Variants in BFSP1 observed in about 807,000 individuals in gnomAD.
BFSP1 encodes beaded filament structural protein 1, also known as filensin.
In BFSP1, 38 loss-of-function variants were observed where a neutral mutation model predicts 43.9. The ratio of observed to expected loss-of-function variants is 0.87; its 90% CI spans 0.67 to 1.14. BFSP1 has a LOEUF of 1.14. Among genes scored for constraint, BFSP1 ranks in the 50% most tolerant of loss-of-function variants. BFSP1 has a pLI of 0.00. For missense variants in BFSP1, 850 were observed against 875.1 expected (o/e 0.97, Z 0.36); for synonymous variants, 352 against 354.8 (o/e 0.99, Z 0.09).
upstream of BFSP1, among the ~76,000 whole-genome samples, chr20:17,532,034 G>C (rs984661093): frequency 2.6e-5 from 4 of 152,144 alleles, no homozygotes; most frequent in African/African-American, 9.7e-5. Context: ...AATAACTTAG[G>C]AGACATGCAC....
chr20:17,549,171 GC>G (rs2034855424), intron 1 of BFSP1, among the ~76,000 whole-genome samples: 1 of 152,082 alleles, frequency 6.6e-6, no homozygotes, highest in Admixed American at 6.5e-5. Context: ...TCTGTGTTTT[GC>G]CATGTTTGTT....
At chr20:17,568,418 G>C (rs186724439) in intron 1 of BFSP1, among the ~76,000 whole-genome samples, 25 of 151,370 alleles carry the variant, frequency 1.7e-4, no homozygotes, top group Non-Finnish European at 3.1e-4. Context: ...CAGGGTCCTA[G>C]GCAGGCAGAA....
intron 1 of BFSP1, among the ~76,000 whole-genome samples, chr20:17,555,629 G>A (rs895588230): frequency 4.6e-5 from 7 of 151,992 alleles, no homozygotes; most frequent in African/African-American, 7.3e-5. Context: ...CTCCAGCCTG[G>A]GCAACAGAAT....
At chr20:17,529,009 T>A (rs1480187763) in intron 1 of BFSP1, among the ~76,000 whole-genome samples, 1 of 152,216 alleles carries the variant, frequency 6.6e-6, no homozygotes, top group Non-Finnish European at 1.5e-5. Context: ...GACATCTGTA[T>A]TTTAAAATTC....
chr20:17,557,995 A>G (rs1211996784), intron 1 of BFSP1, among the ~76,000 whole-genome samples: 1 of 152,170 alleles, frequency 6.6e-6, no homozygotes, highest in Admixed American at 6.5e-5. Context: ...AAGAAATAAA[A>G]ACTCGACTCA....
intron 2 of BFSP1, among the ~76,000 whole-genome samples, chr20:17,515,478 C>A (rs1362811669): frequency 6.6e-6 from 1 of 152,172 alleles, no homozygotes; most frequent in Non-Finnish European, 1.5e-5. Context: ...TTTAGAATGA[C>A]TGTTTTGTGA....
At chr20:17,542,427 CAAAAAAA>C (rs3076281) in intron 1 of BFSP1, among the ~76,000 whole-genome samples, 35 of 114,874 alleles carry the variant, frequency 3.0e-4, no homozygotes, top group Admixed American at 5.5e-4. Flanking sequence ...TCATCTCTAC[CAAAAAAA>C]AAAAAAAAAA....
intron 6 of BFSP1, among the ~76,000 whole-genome samples, chr20:17,497,486 GTATA>G (rs553251877): frequency 1.7e-5 from 2 of 116,048 alleles, no homozygotes; most frequent in Non-Finnish European, 3.6e-5. Context: ...ATATACGTGT[GTATA>G]TATATATACA....
At chr20:17,511,057 C>T (rs868788731) in intron 4 of BFSP1, among the ~76,000 whole-genome samples, 16 of 152,096 alleles carry the variant, frequency 1.1e-4, no homozygotes, top group African/African-American at 3.9e-4. Context: ...AATGATCCTC[C>T]CACCTCAGCC....
chr20:17,505,598 A>G (rs1046736588), intron 5 of BFSP1, among the ~76,000 whole-genome samples: 1 of 152,254 alleles, frequency 6.6e-6, no homozygotes, highest in Non-Finnish European at 1.5e-5. Flanking sequence ...GCTCTAGCTT[A>G]GCTGCTACAT....
chr20:17,515,827 A>G (rs1054475565), intron 2 of BFSP1, among the ~76,000 whole-genome samples: 1 of 152,256 alleles, frequency 6.6e-6, no homozygotes, highest in African/African-American at 2.4e-5. Context: ...TGACTTGCTA[A>G]TAAACATAAT....
At chr20:17,517,534 G>A (rs1473821259) in intron 2 of BFSP1, among the ~76,000 whole-genome samples, 3 of 152,094 alleles carry the variant, frequency 2.0e-5, no homozygotes, top group Non-Finnish European at 2.9e-5. Flanking sequence ...TCCACCCACC[G>A]TGGCCTCCCA....
chr20:17,548,054 AG>A (rs1482129503), intron 1 of BFSP1, among the ~76,000 whole-genome samples: 12 of 151,392 alleles, frequency 7.9e-5, no homozygotes, highest in Non-Finnish European at 1.2e-4. Flanking sequence ...CAGCCAATAG[AG>A]GCATTTTTAT....
At chr20:17,509,382 G>A (rs1472860968) in intron 4 of BFSP1, among the ~76,000 whole-genome samples, 3 of 152,148 alleles carry the variant, frequency 2.0e-5, no homozygotes, top group African/African-American at 7.2e-5. Context: ...AGGACAGTGA[G>A]AAGTAAATGT....
intron 6 of BFSP1, among the ~76,000 whole-genome samples, chr20:17,497,459 T>TATATACATACAC (rs1555800560): frequency 2.3e-4 from 33 of 144,950 alleles, no homozygotes; most frequent in African/African-American, 8.2e-4. Context: ...TATATATATA[T>TATATACATACAC]ACACACACAC....
rs182716064 is a variant in BFSP1 at position 17,495,217 on chromosome 20, G to A, written c.1043-188C>T. ...TTTGTTGCTCCATGGCCCAGGCTGA[G>A]GTCCAGCTGGGCGACTCTGGACAAG... On this transcript the variant is annotated intron_variant, in intron 7 of 7. Transcript: ENST00000377873. 5.7e-3 allele frequency among the ~76,000 whole-genome samples: 862 copies of A among 152,320 alleles called. 2 individuals are homozygous for A. The highest frequency in any genetic ancestry group is 8.8e-3 in the Non-Finnish European group (601 of 68,036).
intron 1 of BFSP1, among the ~76,000 whole-genome samples, chr20:17,538,969 T>C (rs1177773711): frequency 1.3e-5 from 2 of 152,112 alleles, no homozygotes; most frequent in Non-Finnish European, 1.5e-5. Context: ...TGGTTTGATA[T>C]ATTACCAAGC....
chr20:17,534,686 A>G (rs896834302), upstream of BFSP1, among the ~76,000 whole-genome samples: 1 of 152,240 alleles, frequency 6.6e-6, no homozygotes, highest in Non-Finnish European at 1.5e-5. Context: ...AGCTATGAAA[A>G]TGTTCCAGAT....
chr20:17,539,787 A>G (rs201935), intron 1 of BFSP1, among the ~76,000 whole-genome samples: 14,648 of 152,060 alleles, frequency 0.096, 930 homozygotes, highest in Non-Finnish European at 0.13. Context: ...CAAAAATTAA[A>G]AAAAGAAACA....
Sources: gnomAD v4.1 joint callset for allele counts (sites outside exome capture counted in the v4.1 genomes callset) on GRCh38, gnomAD v4.1.1 for gene constraint, MANE v1.5 for transcripts, NCBI Gene and HGNC (gene_info 2026-07-23, HGNC 2026-07-21) for gene names.